SLC6A15: variants seen among roughly 807,000 people sequenced by gnomAD.
SLC6A15 encodes the protein solute carrier family 6 member 15.
Under a neutral mutation model 68.5 loss-of-function variants are expected in SLC6A15, and 33 were observed. The ratio of observed to expected loss-of-function variants is 0.48; its 90% CI spans 0.37 to 0.64. SLC6A15 has a LOEUF of 0.64. Among genes scored for constraint, SLC6A15 ranks in the 30% least tolerant of loss-of-function variants. The pLI is 0.00. For missense variants in SLC6A15, 747 were observed against 874.3 expected (o/e 0.85, Z 1.84); for synonymous variants, 347 against 301.0 (o/e 1.15, Z -1.58).
At chr12:84,866,219 C>G (rs1481853879) in intron 10 of SLC6A15, among the ~76,000 whole-genome samples, 1 of 152,118 alleles carries the variant, frequency 6.6e-6, no homozygotes, top group Non-Finnish European at 1.5e-5. Context: ...ACCTCTCAGT[C>G]CATGTATGTG....
At chr12:84,902,763 A>G (rs1486758599) in intron 1 of SLC6A15, among the ~76,000 whole-genome samples, 1 of 152,142 alleles carries the variant, frequency 6.6e-6, no homozygotes, top group Non-Finnish European at 1.5e-5. Flanking sequence ...AGAAATACAT[A>G]TATAACAATT....
At chr12:84,868,053 A>G (rs1871134981) in intron 9 of SLC6A15, among the ~76,000 whole-genome samples, 1 of 152,154 alleles carries the variant, frequency 6.6e-6, no homozygotes, top group African/African-American at 2.4e-5. Flanking sequence ...AACTTGAAAG[A>G]AGTAGAGTAG....
intron 1 of SLC6A15, among the ~76,000 whole-genome samples, chr12:84,901,475 G>T (rs996279574): frequency 6.6e-6 from 1 of 151,564 alleles, no homozygotes; most frequent in African/African-American, 2.4e-5. Context: ...ATTGGTAATA[G>T]GTCTTTTTCT....
intron 1 of SLC6A15, among the ~76,000 whole-genome samples, chr12:84,897,757 G>C (rs1257018289): frequency 6.6e-6 from 1 of 152,110 alleles, no homozygotes; most frequent in Non-Finnish European, 1.5e-5. Context: ...GAAATGATGA[G>C]CCCTATGGGA....
intron 5 of SLC6A15, among the ~76,000 whole-genome samples, chr12:84,879,463 T>C (rs990915939): frequency 4.0e-5 from 6 of 151,672 alleles, no homozygotes; most frequent in African/African-American, 1.5e-4. Flanking sequence ...GTAGCTGGGA[T>C]TACAGGCACC....
At chr12:84,870,713 T>G (rs1176156595) in intron 8 of SLC6A15, 43 bp from the exon 9 acceptor site, 1 of 1,256,840 alleles carries the variant, frequency 8.0e-7, no homozygotes, top group Non-Finnish European at 1.1e-6. Flanking sequence ...AGAGTAATTA[T>G]TAAACAATGG....
chr12:84,895,829 T>G (rs940024597), intron 1 of SLC6A15, among the ~76,000 whole-genome samples: 5 of 152,192 alleles, frequency 3.3e-5, no homozygotes, highest in Non-Finnish European at 7.3e-5. Context: ...AGTAACTTTC[T>G]TGAAGGATAA....
chr12:84,889,027 G>A (rs533928406), intron 2 of SLC6A15, among the ~76,000 whole-genome samples: 134 of 152,236 alleles, frequency 8.8e-4, no homozygotes, highest in Middle Eastern at 3.4e-3. Flanking sequence ...CCTCATTCCG[G>A]AGACGTCCTG....
At chr12:84,905,130 C>A (rs1284718579) in intron 1 of SLC6A15, among the ~76,000 whole-genome samples, 1 of 152,032 alleles carries the variant, frequency 6.6e-6, no homozygotes, top group African/African-American at 2.4e-5. Context: ...AACTACAGAT[C>A]AATATTCCTA....
At chr12:84,907,101 G>C (rs940167267) in intron 1 of SLC6A15, among the ~76,000 whole-genome samples, 2 of 152,110 alleles carry the variant, frequency 1.3e-5, no homozygotes, top group Non-Finnish European at 2.9e-5. Flanking sequence ...TGTAATCCCA[G>C]CACTTTGGGA....
At chr12:84,878,516 T>C (rs1405239924) in intron 5 of SLC6A15, among the ~76,000 whole-genome samples, 1 of 152,158 alleles carries the variant, frequency 6.6e-6, no homozygotes, top group African/African-American at 2.4e-5. Context: ...TCAAATGTAC[T>C]GCTTTATAAA....
chr12:84,866,088 G>C (rs969905812), intron 10 of SLC6A15, among the ~76,000 whole-genome samples: 1 of 148,712 alleles, frequency 6.7e-6, no homozygotes, highest in Non-Finnish European at 1.5e-5. Flanking sequence ...TCTAAGCTTT[G>C]TTATAAAGCT....
At chr12:84,873,041 A>C (rs756691642) in intron 7 of SLC6A15, 46 bp downstream of exon 7, 99 of 1,582,272 alleles carry the variant, frequency 6.3e-5, no homozygotes, top group Non-Finnish European at 8.3e-5. Flanking sequence ...TATAAATAAC[A>C]AGATAAAAAC....
intron 5 of SLC6A15, chr12:84,880,970 T>C (rs1043102571): frequency 6.0e-6 from 4 of 664,618 alleles, no homozygotes; most frequent in Non-Finnish European, 7.4e-6. Context: ...TGGCCAACTA[T>C]TTATTTTCCC....
At chr12:84,899,440 A>G (rs964569682) in intron 1 of SLC6A15, among the ~76,000 whole-genome samples, 1 of 152,184 alleles carries the variant, frequency 6.6e-6, no homozygotes, top group Non-Finnish European at 1.5e-5. Flanking sequence ...ATGTCATCCA[A>G]TTCCATCAAA....
chr12:84,888,896 A>G (rs1872247409), intron 2 of SLC6A15, among the ~76,000 whole-genome samples: 1 of 152,056 alleles, frequency 6.6e-6, no homozygotes, highest in South Asian at 2.1e-4. Flanking sequence ...TTTGTCCCTG[A>G]AGCAAGTCAC....
intron 2 of SLC6A15, among the ~76,000 whole-genome samples, chr12:84,888,842 A>G (rs1027885690): frequency 6.6e-6 from 1 of 152,164 alleles, no homozygotes; most frequent in Non-Finnish European, 1.5e-5. Flanking sequence ...CTCGGAAGCC[A>G]AGGCTTCCTG....
chr12:84,875,046 A>G (rs1871456360), intron 6 of SLC6A15, among the ~76,000 whole-genome samples: 1 of 152,206 alleles, frequency 6.6e-6, no homozygotes, highest in African/African-American at 2.4e-5. Context: ...CTGGGGCCAT[A>G]TAGAATTATT....
At position 84,902,877 on chromosome 12, in the gene SLC6A15, G is replaced by A. The variant is rs1001955554; in HGVS notation, c.-189+9646C>T. On this transcript the variant is annotated intron_variant, in intron 1 of 11. Coordinates refer to ENST00000266682, the MANE Select transcript of SLC6A15 (RefSeq NM_182767.6). ...GGTAAATGGGTGTGCTTATAAAAGA[G>A]TAGCAGGAGAGAATCATATGGTAAG... 4.6e-5 allele frequency among the ~76,000 whole-genome samples: 7 copies of A among 152,072 alleles called. No individual in the cohort carries two copies. The East Asian group carries it at 1.3e-3, about 29-fold the overall frequency.
Sources: allele counts gnomAD v4.1 joint callset (sites outside exome capture counted in the v4.1 genomes callset), GRCh38; gene constraint gnomAD v4.1.1; transcripts MANE v1.5; gene names NCBI Gene and HGNC (gene_info 2026-07-23, HGNC 2026-07-21).